NAV1: variants seen among roughly 807,000 people sequenced by gnomAD.
NAV1 encodes pore membrane and/or filament interacting like protein 3.
Under a neutral mutation model 175.2 loss-of-function variants are expected in NAV1, and 18 were observed. The observed-to-expected ratio is 0.10, with a 90% CI of 0.07 to 0.15. The LOEUF (loss-of-function observed/expected upper bound fraction) is 0.15. NAV1 is among the 10% of genes least tolerant of loss of function. The pLI, the probability that NAV1 is intolerant of heterozygous loss-of-function variation, is 1.00. For synonymous variants in NAV1, 897 were observed against 978.7 expected, an observed-to-expected ratio of 0.92 and a Z score of 1.56; for missense variants, 1,731 against 2,436.6, an observed-to-expected ratio of 0.71 and a Z score of 6.10.
intron 1 of NAV1, among the ~76,000 whole-genome samples, chr1:201,557,861 C>T (rs1276821367): frequency 6.6e-6 from 1 of 152,114 alleles, no homozygotes; most frequent in Admixed American, 6.5e-5. Flanking sequence ...CGAAAGGACT[C>T]CTCAGGGGCT....
At chr1:201,601,769 C>T (rs1430063967) in intron 2 of NAV1, among the ~76,000 whole-genome samples, 4 of 152,150 alleles carry the variant, frequency 2.6e-5, no homozygotes, top group African/African-American at 7.2e-5. Flanking sequence ...AAAAGCCACC[C>T]AGTCTGCAAA....
At position 201,782,859 on chromosome 1, in the gene NAV1, A is replaced by G; in HGVS notation, c.2347A>G (p.Thr783Ala). 6.3e-7 allele frequency: 1 copy of G among 1,579,606 alleles called. No individual in the cohort carries two copies. The highest frequency in any genetic ancestry group is 1.2e-5 in the South Asian group (1 of 85,754). ...CACCAAGCTGGCAGAGCTGCCACCA[A>G]CCCCTCTCAGGTACCCAATGTGGGC... The change falls in exon 6 of 30, where the codon ACC becomes GCC. Residue 783 changes from threonine (T) to alanine (A), a missense_variant. Thr to Ala is a moderately conservative substitution (Grantham distance 58). Transcript: ENST00000367296. The surrounding 1 kb of genome is among the most constrained non-coding windows in gnomAD (Gnocchi z 5.4).
In NAV1 at chr1:201,810,134, G is replaced by A. The variant is rs778077523; in HGVS notation, c.4561+29G>A. ...AGTCTTTGTCTCTTGGGGTGAGGTGGTGTGGCATGAAGGCAGGGACAGGAT... is the reference window on the plus strand; with the variant it reads ...AGTCTTTGTCTCTTGGGGTGAGGTGATGTGGCATGAAGGCAGGGACAGGAT... On this transcript the variant is annotated intron_variant, in intron 23 of 29. Transcript: ENST00000367296. This position sits in a 1 kb window ranked among gnomAD's most constrained non-coding sequence, Gnocchi z 6.0. 5 of 1,610,374 alleles carry A rather than the reference G, an allele frequency of 3.1e-6. No homozygotes were observed. The South Asian group carries it at 4.4e-5, about 14-fold the overall frequency.
In NAV1 at chr1:201,572,370, CTTTTT is replaced by C. The variant is rs558471603; in HGVS notation, c.-143-16157_-143-16153del. ...TCTAATTTCTTTTCTTTCTTTCTTT[CTTTTT>C]TTTTTTTTTTTGAGACAGAGTCTTG... On this transcript the variant is annotated intron_variant, in intron 1 of 33. Coordinates refer to the NAV1 transcript ENST00000685211. Among the ~76,000 whole-genome samples, 2 of 136,462 alleles carry C rather than the reference CTTTTT, an allele frequency of 1.5e-5. 1 individual carries two copies. The highest frequency in any genetic ancestry group is 4.7e-4 in the South Asian group (2 of 4,272). 89.5% of individuals were successfully genotyped at this position (136,462 alleles called of 152,430 possible).
chr1:201,627,658 T>G (rs1571852327), intron 1 of NAV1, among the ~76,000 whole-genome samples: 1 of 152,080 alleles, frequency 6.6e-6, no homozygotes, highest in African/African-American at 2.4e-5. Context: ...ATATATGATG[T>G]TAATCAATGA....
chr1:201,749,367 C>G (rs1408060940), intron 3 of NAV1, among the ~76,000 whole-genome samples: 1 of 152,208 alleles, frequency 6.6e-6, no homozygotes, highest in African/African-American at 2.4e-5. Context: ...GTGATGATGT[C>G]TTCAGCCTTG....
chr1:201,709,648 G>C (rs1249226769), intron 1 of NAV1, among the ~76,000 whole-genome samples: 2 of 152,204 alleles, frequency 1.3e-5, no homozygotes, highest in African/African-American at 2.4e-5. Context: ...GCATACCCAT[G>C]ATGGCCACCA....
chr1:201,732,740 G>A (rs924610664), intron 3 of NAV1, among the ~76,000 whole-genome samples: 3 of 152,208 alleles, frequency 2.0e-5, no homozygotes, highest in African/African-American at 7.2e-5. Flanking sequence ...TGCAGATGTG[G>A]CAGGAGGAAA....
At chr1:201,735,266 T>C (rs557381752) in intron 3 of NAV1, among the ~76,000 whole-genome samples, 102 of 152,334 alleles carry the variant, frequency 6.7e-4, no homozygotes, top group African/African-American at 2.3e-3. Context: ...ACCTGGATTG[T>C]GTGGAAGGAT....
In NAV1 at chr1:201,810,925, G is replaced by T. The variant is rs746899888; in HGVS notation, c.4797+167G>T. ...CCCTCTCTATCTATCCCCTTTTCCA[G>T]TCTTCTCCTTTCCCTCCCCACGATT... On this transcript the variant is annotated intron_variant, in intron 24 of 29. Transcript: ENST00000367296. This position sits in a 1 kb window ranked among gnomAD's most constrained non-coding sequence, Gnocchi z 6.0. Among the ~76,000 whole-genome samples, 1 of 151,502 alleles carries T rather than the reference G, an allele frequency of 6.6e-6. No individual in the cohort carries two copies.
intron 3 of NAV1, among the ~76,000 whole-genome samples, chr1:201,729,916 A>C (rs1672778610): frequency 6.6e-6 from 1 of 152,188 alleles, no homozygotes; most frequent in Admixed American, 6.5e-5. Context: ...AAAAAAAATA[A>C]AAGAATAAAA....
At chr1:201,768,959 T>C (rs1675388587) in intron 3 of NAV1, among the ~76,000 whole-genome samples, 1 of 152,210 alleles carries the variant, frequency 6.6e-6, no homozygotes, top group African/African-American at 2.4e-5. Context: ...TTCTGGTCTA[T>C]AGTAGTGTAT....
At chr1:201,786,670 A>C in intron 9 of NAV1, 93 bp downstream of exon 13, 108 of 1,257,752 alleles carry the variant, frequency 8.6e-5, no homozygotes, top group Non-Finnish European at 1.1e-4. Flanking sequence ...GTTTCATCTC[A>C]TGTTTGACTC....
chr1:201,754,557 G>T (rs1267815583), intron 3 of NAV1, among the ~76,000 whole-genome samples: 3 of 152,290 alleles, frequency 2.0e-5, no homozygotes, highest in African/African-American at 7.2e-5. Context: ...AATGAGTGGG[G>T]GAGTAAATGT....
upstream of NAV1, among the ~76,000 whole-genome samples, chr1:201,619,527 A>G (rs187892551): frequency 2.0e-5 from 3 of 152,382 alleles, no homozygotes; most frequent in Admixed American, 1.3e-4. Context: ...CAGACTGGAC[A>G]TGGAGAGGTT....
intron 2 of NAV1, among the ~76,000 whole-genome samples, chr1:201,633,795 A>T (rs1190064917): frequency 6.6e-6 from 1 of 152,200 alleles, no homozygotes; most frequent in Non-Finnish European, 1.5e-5. Context: ...AAGTAGAAAC[A>T]GTTCAGGGGC....
intron 3 of NAV1, among the ~76,000 whole-genome samples, chr1:201,761,365 A>G (rs1674831087): frequency 6.6e-6 from 1 of 152,242 alleles, no homozygotes; most frequent in Non-Finnish European, 1.5e-5. Context: ...AGAGTAGCTC[A>G]GTGGCTGGAG....
At chr1:201,544,981 G>A (rs548192173) in intron 1 of NAV1, among the ~76,000 whole-genome samples, 3 of 152,268 alleles carry the variant, frequency 2.0e-5, no homozygotes, top group South Asian at 4.1e-4. Context: ...AGTCCTTAGC[G>A]AGATGAGCAT....
upstream of NAV1, among the ~76,000 whole-genome samples, chr1:201,643,823 C>T (rs1367098811): frequency 6.6e-6 from 1 of 152,146 alleles, no homozygotes; most frequent in Non-Finnish European, 1.5e-5. Context: ...TGACAGATTC[C>T]CCAGACCCCC....
Sources: gnomAD v4.1 joint callset for allele counts (sites outside exome capture counted in the v4.1 genomes callset) on GRCh38, gnomAD v4.1.1 for gene constraint, Gnocchi (gnomAD v3.1) non-coding constraint, MANE v1.5 for transcripts, NCBI Gene and HGNC (gene_info 2026-07-23, HGNC 2026-07-21) for gene names.